The following CDH4 variants were observed in gnomAD, a reference collection of about 807,000 sequenced individuals.
The protein encoded by CDH4 is cadherin-4.
A neutral mutation model predicts 86.0 loss-of-function variants in CDH4; 33 were observed. The ratio of observed to expected loss-of-function variants is 0.38; its 90% CI spans 0.29 to 0.51. The LOEUF is 0.51. Among genes scored for constraint, CDH4 ranks in the 20% least tolerant of loss-of-function variants. The pLI, the probability that CDH4 is intolerant of heterozygous loss-of-function variation, is 0.86. For synonymous variants in CDH4, 555 were observed against 549.4 expected (o/e 1.01, Z -0.14); for missense variants, 1,114 against 1,307.4 (o/e 0.85, Z 2.28).
chr20:61,819,551 CA>C (rs1349802501), intron 4 of CDH4, among the ~76,000 whole-genome samples: 1 of 152,242 alleles, frequency 6.6e-6, no homozygotes, highest in African/African-American at 2.4e-5. Flanking sequence ...GCACCCGCTT[CA>C]TGATGACAGC....
At chr20:61,727,352 T>G (rs61634178) in intron 2 of CDH4, among the ~76,000 whole-genome samples, 131 of 147,894 alleles carry the variant, frequency 8.9e-4, no homozygotes, top group African/African-American at 3.4e-3. Flanking sequence ...TTCATCACCA[T>G]TGGTACCATC....
chr20:61,738,632 A>C (rs1469468838), intron 2 of CDH4: 1 of 152,330 alleles, frequency 6.6e-6, no homozygotes, highest in Non-Finnish European at 1.5e-5. Context: ...TCCAGTTCAC[A>C]CATCAGCTGC....
At chr20:61,710,202 C>T (rs962009771) in intron 2 of CDH4, among the ~76,000 whole-genome samples, 2 of 152,196 alleles carry the variant, frequency 1.3e-5, no homozygotes, top group African/African-American at 4.8e-5. Flanking sequence ...CTAATGATAA[C>T]CAAGTCAGAG....
In CDH4 at chr20:61,475,426, C is replaced by A. The variant is rs1448437820; in HGVS notation, c.169+220489C>A. 3.6e-5 allele frequency among the ~76,000 whole-genome samples: 5 copies of A among 137,090 alleles called. No individual in the cohort carries two copies. The Admixed American group carries it at 3.8e-4, about 10-fold the overall frequency. The allele number at this position is 137,090 out of a possible 152,430, so 89.9% of individuals were successfully genotyped here. ...GTGACCCTGCCTCCAGCCTCCTCCA[C>A]CACTTTCTCCCCCATGGAATTTACC... is the stretch of plus-strand genomic sequence containing the variant. On this transcript the variant is annotated intron_variant, in intron 2 of 15. Coordinates refer to ENST00000614565, the MANE Select transcript of CDH4 (RefSeq NM_001794.5).
chr20:61,750,968 A>G (rs1166061794), intron 3 of CDH4, among the ~76,000 whole-genome samples: 1 of 152,214 alleles, frequency 6.6e-6, no homozygotes, highest in Non-Finnish European at 1.5e-5. Flanking sequence ...AAAGAACTAT[A>G]AAAATGGAGG....
At chr20:61,870,800 G>A (rs1249024147) in intron 6 of CDH4, among the ~76,000 whole-genome samples, 6 of 152,106 alleles carry the variant, frequency 3.9e-5, no homozygotes, top group Admixed American at 3.9e-4. Context: ...CGCCAACATT[G>A]GCTTCACTTG....
At chr20:61,706,936 G>A (rs990665523) in intron 2 of CDH4, among the ~76,000 whole-genome samples, 13 of 152,346 alleles carry the variant, frequency 8.5e-5, no homozygotes, top group Non-Finnish European at 7.3e-5. Context: ...CGTGGTGGGG[G>A]CCCTGGTCTT....
chr20:61,819,802 G>A (rs933292521), intron 4 of CDH4, among the ~76,000 whole-genome samples: 10 of 152,218 alleles, frequency 6.6e-5, no homozygotes, highest in Admixed American at 1.3e-4. Context: ...TGCTGTTTTA[G>A]TTGTGCTGAT....
chr20:61,303,364 C>T lies in CDH4; in HGVS notation c.169+48427C>T, dbSNP rs146197997. Among the ~76,000 whole-genome samples the T allele has an allele frequency of 6.4e-3, 971 of 152,298 alleles. 6 individuals carry two copies. Among genetic ancestry groups the T allele is most frequent in the Middle Eastern group, 0.01 (3 of 294 alleles). On this transcript the variant is annotated intron_variant, in intron 2 of 15. Coordinates refer to ENST00000614565, the MANE Select transcript of CDH4 (RefSeq NM_001794.5). Reference sequence around the variant, plus strand: ...CCTGGCCTGGTGCTGGTCAAGGCCACGAGTCCTCTGCAAGAGCCAGGGCAG... The same window carrying T: ...CCTGGCCTGGTGCTGGTCAAGGCCATGAGTCCTCTGCAAGAGCCAGGGCAG...
chr20:61,604,196 AG>A (rs2086624831), intron 2 of CDH4, among the ~76,000 whole-genome samples: 2 of 152,316 alleles, frequency 1.3e-5, no homozygotes, highest in Admixed American at 6.5e-5. Flanking sequence ...CAATATTTTT[AG>A]GCCCTGGAGG....
At chr20:61,306,442 A>G (rs2084417995) in intron 2 of CDH4, among the ~76,000 whole-genome samples, 2 of 151,892 alleles carry the variant, frequency 1.3e-5, no homozygotes, top group South Asian at 4.2e-4. Context: ...GGTTCAAGCA[A>G]TTCTCTGCCT....
intron 7 of CDH4, among the ~76,000 whole-genome samples, chr20:61,890,736 T>G (rs564145723): frequency 1.7e-4 from 26 of 152,116 alleles, no homozygotes; most frequent in Non-Finnish European, 3.1e-4. Flanking sequence ...CTATTTCTGG[T>G]TTTTTTTGTA....
chr20:61,403,370 AT>A (rs980325825), intron 2 of CDH4, among the ~76,000 whole-genome samples: 4 of 151,768 alleles, frequency 2.6e-5, no homozygotes, highest in African/African-American at 9.7e-5. Context: ...TGAGTAACTT[AT>A]TTTTTCTGGA....
chr20:61,387,535 C>T (rs998269310), intron 2 of CDH4, among the ~76,000 whole-genome samples: 3 of 146,766 alleles, frequency 2.0e-5, no homozygotes, highest in African/African-American at 8.3e-5. Flanking sequence ...CAAACAGAAA[C>T]ACACAGCCAC....
intron 2 of CDH4, among the ~76,000 whole-genome samples, chr20:61,257,324 A>G (rs966208905): frequency 2.4e-4 from 37 of 152,382 alleles, no homozygotes; most frequent in Middle Eastern, 3.4e-3. Context: ...AATGGATGGA[A>G]GAAATGTCGT....
At chr20:61,887,828 C>A (rs537958631) in intron 7 of CDH4, among the ~76,000 whole-genome samples, 3 of 152,174 alleles carry the variant, frequency 2.0e-5, no homozygotes, top group African/African-American at 7.2e-5. Context: ...TGCCATGCTG[C>A]GGGAGGAGGC....
In CDH4 at chr20:61,392,282, A is replaced by G. The variant is rs915047622; in HGVS notation, c.169+137345A>G. ...ACAGGAACCCGAGGCAGATCCTTCC[A>G]CCAAACGAGTGTTTTGCTGTCAGGA... On this transcript the variant is annotated intron_variant, in intron 2 of 15. Coordinates refer to ENST00000614565, the MANE Select transcript of CDH4 (RefSeq NM_001794.5). The surrounding 1 kb of genome is among the most constrained non-coding windows in gnomAD (Gnocchi z 5.7). Among the ~76,000 whole-genome samples the G allele has an allele frequency of 4.0e-5, 6 of 151,842 alleles. No individual in the cohort carries two copies. The highest frequency in any genetic ancestry group is 7.4e-5 in the Non-Finnish European group (5 of 67,984).
chr20:61,923,977 C>G (rs1356111312), intron 10 of CDH4, among the ~76,000 whole-genome samples: 2 of 152,238 alleles, frequency 1.3e-5, no homozygotes, highest in African/African-American at 4.8e-5. Context: ...GCCACACTCT[C>G]ATAGCTATAA....
intron 2 of CDH4, among the ~76,000 whole-genome samples, chr20:61,366,758 A>G (rs1233844040): frequency 6.6e-6 from 1 of 152,166 alleles, no homozygotes; most frequent in Non-Finnish European, 1.5e-5. Flanking sequence ...CATTCTGGTA[A>G]ACCCACAACC....
Sources: allele counts gnomAD v4.1 joint callset (sites outside exome capture counted in the v4.1 genomes callset), GRCh38; gene constraint gnomAD v4.1.1; non-coding constraint Gnocchi (gnomAD v3.1); transcripts MANE v1.5; gene names NCBI Gene and HGNC (gene_info 2026-07-23, HGNC 2026-07-21).